AIM2: variants seen among roughly 807,000 people sequenced by gnomAD.
The protein encoded by AIM2 is interferon-inducible protein AIM2.
A neutral mutation model predicts 27.7 loss-of-function variants in AIM2; 30 were observed. That is an observed-to-expected ratio of 1.08 (90% CI 0.81 to 1.47). The LOEUF (loss-of-function observed/expected upper bound fraction) is 1.47, where lower values mean the gene tolerates loss of function less well. AIM2 is among the 40% of genes most tolerant of loss of function. The pLI is 0.00. For synonymous variants in AIM2, 141 were observed against 145.3 expected, an observed-to-expected ratio of 0.97 and a Z score of 0.21; for missense variants, 358 against 411.3, an observed-to-expected ratio of 0.87 and a Z score of 1.12.
In AIM2 at chr1:159,068,708, A is replaced by G; in HGVS notation, c.263-7T>C. 6.2e-7 allele frequency: 1 copy of G among 1,612,756 alleles called. No homozygotes were observed. Among genetic ancestry groups the G allele is most frequent in the African/African-American group, 1.3e-5 (1 of 74,996 alleles). ...GATTTGTATTGCTTATCAACTGATT[A>G]AAAAATGAAAGACATGGCCAATAAG... is the stretch of plus-strand genomic sequence containing the variant. On this transcript the variant is annotated splice_polypyrimidine_tract_variant and splice_region_variant and intron_variant, in intron 2 of 5. Transcript: ENST00000368130.
At chr1:159,126,636 G>T (rs1027029424) in intron 1 of AIM2, among the ~76,000 whole-genome samples, 21 of 124,414 alleles carry the variant, frequency 1.7e-4, no homozygotes, top group Non-Finnish European at 2.8e-4. Context: ...GTGACAGAGC[G>T]AGACTACGTC....
intron 1 of AIM2, among the ~76,000 whole-genome samples, chr1:159,099,106 T>TTAA (rs1238749342): frequency 6.6e-6 from 1 of 151,920 alleles, no homozygotes; most frequent in Non-Finnish European, 1.5e-5. Flanking sequence ...GTCCATAGAA[T>TTAA]TAAGAGTATG....
At chr1:159,141,777 G>C (rs370343659), upstream of AIM2, among the ~76,000 whole-genome samples, 87 of 151,948 alleles carry the variant, frequency 5.7e-4, no homozygotes, top group South Asian at 0.011. Flanking sequence ...CTGAGCGGTG[G>C]GGGGGGACAG....
chr1:159,102,699 C>A (rs1657343902), intron 1 of AIM2, among the ~76,000 whole-genome samples: 1 of 152,230 alleles, frequency 6.6e-6, no homozygotes, highest in African/African-American at 2.4e-5. Context: ...GATTTGACTG[C>A]CCTGCTGGAT....
At chr1:159,131,524 G>A (rs1048824578) in intron 1 of AIM2, among the ~76,000 whole-genome samples, 5 of 152,160 alleles carry the variant, frequency 3.3e-5, no homozygotes, top group Non-Finnish European at 5.9e-5. Context: ...GTTTAGTAGC[G>A]TGATGCAAGG....
At chr1:159,099,061 C>CA (rs1410833419) in intron 1 of AIM2, among the ~76,000 whole-genome samples, 14 of 151,150 alleles carry the variant, frequency 9.3e-5, no homozygotes, top group Non-Finnish European at 1.9e-4. Flanking sequence ...TCAAGAAAGT[C>CA]AGACTGTTGG....
intron 1 of AIM2, among the ~76,000 whole-genome samples, chr1:159,125,932 T>C (rs1168311661): frequency 6.6e-5 from 10 of 152,176 alleles, no homozygotes; most frequent in Admixed American, 6.5e-4. Context: ...CAGTCACTCC[T>C]ACTGTGACTA....
At position 159,120,887 on chromosome 1, in the gene AIM2, C is replaced by T. The variant is rs142930765; in HGVS notation, c.-16+19544G>A. Among the ~76,000 whole-genome samples, 281 of 152,300 alleles carry T rather than the reference C, an allele frequency of 1.8e-3. 2 individuals carry two copies. The highest frequency in any genetic ancestry group is 8.5e-3 in the East Asian group (44 of 5,188). The stretch of plus-strand genomic sequence containing the variant: ...TTTACCCCACAACAGAAAAACAACA[C>T]GGGCAACAACTGATTCTTATTTAGC... On this transcript the variant is annotated intron_variant, in intron 1 of 2. Transcript: ENST00000368129.
At chr1:159,065,401 A>G (rs1656040421) in intron 4 of AIM2, among the ~76,000 whole-genome samples, 1 of 152,006 alleles carries the variant, frequency 6.6e-6, no homozygotes, top group South Asian at 2.1e-4. Flanking sequence ...CATTTTTGAC[A>G]TTAAAGTTTA....
intron 1 of AIM2, among the ~76,000 whole-genome samples, chr1:159,116,892 G>C (rs1647366966): frequency 6.6e-6 from 1 of 151,664 alleles, no homozygotes; most frequent in Non-Finnish European, 1.5e-5. Context: ...CTGTATTAAG[G>C]TCCCCTGAAT....
chr1:159,065,951 G>T lies in AIM2; in HGVS notation c.775C>A (p.Pro259Thr). The T allele has an allele frequency of 6.2e-7, 1 of 1,613,854 alleles. No individual in the cohort carries two copies. Reference protein sequence around the residue: ...TPKINTLQTQPLGTIVNGLFV... With the variant: ...TPKINTLQTQTLGTIVNGLFV... ...AAACCATTCACAATTGTTCCAAGGG[G>T]CTGAGTTTGAAGCGTGTTGATCTTC... Residue 259 changes from proline (P) to threonine (T), a missense_variant, in exon 4 of 6, where the codon CCC becomes ACC. Physicochemically the swap from Pro to Thr is conservative, Grantham distance 38. Transcript: ENST00000368130.
At chr1:159,074,070 A>G (rs759940183) in intron 1 of AIM2, among the ~76,000 whole-genome samples, 1 of 152,152 alleles carries the variant, frequency 6.6e-6, no homozygotes, top group Non-Finnish European at 1.5e-5. Flanking sequence ...AACAAAAAGG[A>G]AACAGGATAC....
intron 1 of AIM2, among the ~76,000 whole-genome samples, chr1:159,103,752 A>G (rs921216081): frequency 6.6e-6 from 1 of 152,054 alleles, no homozygotes; most frequent in Non-Finnish European, 1.5e-5. Flanking sequence ...TCTCACTTTC[A>G]CTTCCATAGC....
At chr1:159,098,684 G>T (rs1226734302) in intron 1 of AIM2, among the ~76,000 whole-genome samples, 2 of 152,108 alleles carry the variant, frequency 1.3e-5, no homozygotes, top group African/African-American at 4.8e-5. Context: ...TAAGAGATAG[G>T]GATTAGAGAA....
chr1:159,070,446 T>A (rs903059956), intron 2 of AIM2, among the ~76,000 whole-genome samples: 11 of 152,214 alleles, frequency 7.2e-5, no homozygotes, highest in Non-Finnish European at 1.5e-4. Context: ...TCAGGTTATA[T>A]GTTATCGTGA....
At chr1:159,063,805 T>G (rs967405019) in intron 4 of AIM2, 131 bp from the exon 5 acceptor site, 2 of 960,912 alleles carry the variant, frequency 2.1e-6, no homozygotes, top group Non-Finnish European at 3.1e-6. Context: ...AGATTTTACC[T>G]GTGCAGGTCC....
In AIM2 at chr1:159,126,369, C is replaced by T. The variant is rs576290826; in HGVS notation, c.-16+14062G>A. Among the ~76,000 whole-genome samples, 44 of 152,098 alleles carry T rather than the reference C, an allele frequency of 2.9e-4. No individual in the cohort carries two copies. In the South Asian group the frequency reaches 3.3e-3, roughly 12 times the overall value. ...GTAATCTAAAATTGATAGAATAGGC[C>T]GGGCACGGTGGTTCACGCCTGTAAT... is the stretch of plus-strand genomic sequence containing the variant. On this transcript the variant is annotated intron_variant, in intron 1 of 2. Transcript: ENST00000368129.
intron 1 of AIM2, among the ~76,000 whole-genome samples, chr1:159,116,136 C>T (rs1208785904): frequency 1.3e-5 from 2 of 151,442 alleles, no homozygotes; most frequent in Non-Finnish European, 3.0e-5. Flanking sequence ...CAATGAGATA[C>T]CATCTCACAC....
chr1:159,056,858 C>T, the AIM2 span, among the ~76,000 whole-genome samples: 18 of 151,208 alleles, frequency 1.2e-4, no homozygotes, highest in Non-Finnish European at 2.5e-4. Flanking sequence ...ATGCATCTGA[C>T]GGGAGTGTCC....
Sources: gnomAD v4.1 joint callset for allele counts (sites outside exome capture counted in the v4.1 genomes callset) on GRCh38, gnomAD v4.1.1 for gene constraint, MANE v1.5 for transcripts, NCBI Gene and HGNC (gene_info 2026-07-23, HGNC 2026-07-21) for gene names.